The following FRMPD4 variants were observed in gnomAD, a reference collection of about 807,000 sequenced individuals.
FRMPD4 encodes the protein FERM and PDZ domain containing 4, also known as FERM and PDZ domain-containing protein 4.
FRMPD4 carries 22 observed loss-of-function variants against 94.1 expected under a neutral mutation model. That is an observed-to-expected ratio of 0.23 (90% CI 0.17 to 0.33). The LOEUF (loss-of-function observed/expected upper bound fraction) is 0.33. Ranked by LOEUF, FRMPD4 falls within the 10% of genes least tolerant of loss-of-function variation. FRMPD4 has a pLI of 1.00. For synonymous variants in FRMPD4, 631 were observed against 548.6 expected, an observed-to-expected ratio of 1.15 and a Z score of -2.10; for missense variants, 1,111 against 1,339.9, an observed-to-expected ratio of 0.83 and a Z score of 2.67.
At chrX:12,209,391 T>C (rs1361414853) in intron 1 of FRMPD4, among the ~76,000 whole-genome samples, 1 of 112,543 alleles carries the variant, frequency 8.9e-6, no homozygotes, top group East Asian at 2.8e-4. Flanking sequence ...CTTTACTTCA[T>C]AAAAGAAATG....
chrX:12,568,409 T>C (rs1381718244), intron 2 of FRMPD4, among the ~76,000 whole-genome samples: 1 of 112,643 alleles, frequency 8.9e-6, no homozygotes, highest in Non-Finnish European at 1.9e-5. Flanking sequence ...TAAAATATTT[T>C]CATTACATAT....
In FRMPD4 at chrX:12,721,200, G is replaced by A. The variant is rs2042233142; in HGVS notation, c.4631G>A (p.Ser1544Asn). Residue 1544 changes from serine to asparagine, a missense_variant, in exon 17 of 17, where the codon AGC becomes AAC. By Grantham distance (46) the Ser-to-Asn change is conservative. Coordinates refer to ENST00000675598, the MANE Select transcript of FRMPD4 (RefSeq NM_001368397.1). ...ATGACTCAAGCCATGCCAGAACCAA[G>A]CAGCCCATGCCTGGCTGTGGCGATT... Reference protein sequence around the residue: ...PQMTQAMPEPSSPCLAVAIQK... With the variant: ...PQMTQAMPEPNSPCLAVAIQK... 4.0e-6 allele frequency: 3 copies of A among 755,942 alleles called. No individual in the cohort carries two copies. The highest frequency in any genetic ancestry group is 1.3e-4 in the South Asian group (2 of 14,861). The allele number at this position is 755,942 out of a possible 1,213,427, so 62.3% of individuals were successfully genotyped here.
In FRMPD4 at chrX:12,552,427, T is replaced by C. The variant is rs753970881; in HGVS notation, c.158+53631T>C. Among the ~76,000 whole-genome samples, 3 of 111,662 alleles carry C rather than the reference T, an allele frequency of 2.7e-5. No homozygotes were observed. The South Asian group carries it at 1.1e-3, about 42-fold the overall frequency. On this transcript the variant is annotated intron_variant, in intron 2 of 16. Transcript: ENST00000675598. The stretch of plus-strand genomic sequence containing the variant: ...AGCACCAATATAAGTATTATTTTGC[T>C]TCCATCCCCTAAATCATCCAGTCTC...
chrX:12,611,368 A>C (rs1189536539), intron 3 of FRMPD4, among the ~76,000 whole-genome samples: 1 of 112,012 alleles, frequency 8.9e-6, no homozygotes, highest in East Asian at 2.8e-4. Flanking sequence ...AGACTGCCTG[A>C]ATCTGACTCC....
At chrX:12,193,134 G>C (rs188795250) in intron 1 of FRMPD4, among the ~76,000 whole-genome samples, 1 of 111,390 alleles carries the variant, frequency 9.0e-6, no homozygotes, top group East Asian at 2.9e-4. Context: ...AGAAAAATGG[G>C]AACTTTTTCT....
At chrX:12,584,415 A>G (rs747178132) in intron 2 of FRMPD4, among the ~76,000 whole-genome samples, 17 of 111,873 alleles carry the variant, frequency 1.5e-4, no homozygotes, top group African/African-American at 5.2e-4. Context: ...ACACAAAACA[A>G]CTATGGGTTC....
At chrX:12,090,594 G>C (rs1321443163) in intron 3 of FRMPD4, among the ~76,000 whole-genome samples, 1 of 110,765 alleles carries the variant, frequency 9.0e-6, no homozygotes, top group Non-Finnish European at 1.9e-5. Context: ...TAGTCAGAAT[G>C]GGGGATTTGT....
intron 1 of FRMPD4, among the ~76,000 whole-genome samples, chrX:12,363,292 G>A (rs56709774): frequency 0.062 from 6,981 of 112,207 alleles, 513 homozygotes; most frequent in African/African-American, 0.21. Context: ...AGGATATTTT[G>A]CTCTTTGAAA....
intron 4 of FRMPD4, among the ~76,000 whole-genome samples, chrX:12,620,177 G>C (rs1294496888): frequency 8.9e-6 from 1 of 112,745 alleles, no homozygotes; most frequent in Non-Finnish European, 1.9e-5. Flanking sequence ...ACTCCACCTA[G>C]GGACCTGTTG....
intron 3 of FRMPD4, among the ~76,000 whole-genome samples, chrX:11,887,169 A>T (rs1206412077): frequency 8.9e-6 from 1 of 112,455 alleles, no homozygotes; most frequent in African/African-American, 3.2e-5. Context: ...TTCAAGGAAG[A>T]TTTAACTGCA....
At chrX:11,984,351 A>T (rs2054415287) in intron 3 of FRMPD4, among the ~76,000 whole-genome samples, 1 of 111,782 alleles carries the variant, frequency 8.9e-6, no homozygotes, top group Non-Finnish European at 1.9e-5. Flanking sequence ...GACCACTTCA[A>T]CCTCTTGGTA....
intron 1 of FRMPD4, among the ~76,000 whole-genome samples, chrX:12,193,830 G>GAAAGAAAGAAA (rs58000218): frequency 1.6e-4 from 2 of 12,133 alleles, no homozygotes; most frequent in Admixed American, 2.1e-3. Flanking sequence ...AAGGAAGGAG[G>GAAAGAAAGAAA]GAAGGAAGAA....
chrX:12,204,674 C>T (rs1238762236), intron 1 of FRMPD4, among the ~76,000 whole-genome samples: 6 of 111,263 alleles, frequency 5.4e-5, no homozygotes, highest in East Asian at 2.8e-4. Flanking sequence ...CTGCCTAGAA[C>T]GCCTTTTCCC....
intron 1 of FRMPD4, among the ~76,000 whole-genome samples, chrX:12,388,333 G>A (rs1480565932): frequency 8.9e-6 from 1 of 112,228 alleles, no homozygotes; most frequent in Non-Finnish European, 1.9e-5. Flanking sequence ...TAGGCTGGGT[G>A]CGGTGGCTCA....
intron 1 of FRMPD4, among the ~76,000 whole-genome samples, chrX:12,156,472 A>G (rs1273352165): frequency 9.0e-6 from 1 of 111,576 alleles, no homozygotes; most frequent in Non-Finnish European, 1.9e-5. Flanking sequence ...TTATATGGGT[A>G]CCTAATAATT....
chrX:12,630,235 G>T (rs1456544501), intron 4 of FRMPD4, among the ~76,000 whole-genome samples: 1 of 112,526 alleles, frequency 8.9e-6, no homozygotes, highest in African/African-American at 3.2e-5. Context: ...CCCTTAAAAG[G>T]CCCAGATAGT....
intron 3 of FRMPD4, among the ~76,000 whole-genome samples, chrX:11,930,959 A>G (rs1391973956): frequency 1.8e-5 from 2 of 111,183 alleles, no homozygotes; most frequent in Non-Finnish European, 3.8e-5. Flanking sequence ...TGCATTGGCC[A>G]TGAGGTTCCA....
intron 3 of FRMPD4, among the ~76,000 whole-genome samples, chrX:12,076,346 G>A (rs2055016035): frequency 9.2e-6 from 1 of 109,269 alleles, no homozygotes; most frequent in Admixed American, 9.9e-5. Context: ...GTGTGTGTGT[G>A]TGTGTGTGTG....
chrX:12,534,443 A>G (rs2058317890), intron 2 of FRMPD4, among the ~76,000 whole-genome samples: 1 of 112,094 alleles, frequency 8.9e-6, no homozygotes, highest in Non-Finnish European at 1.9e-5. Flanking sequence ...TTCAGACCCC[A>G]GAATGGTAGA....
Sources: gnomAD v4.1 joint callset for allele counts (sites outside exome capture counted in the v4.1 genomes callset) on GRCh38, gnomAD v4.1.1 for gene constraint, MANE v1.5 for transcripts, NCBI Gene and HGNC (gene_info 2026-07-23, HGNC 2026-07-21) for gene names.